COLGALT2: variants seen among roughly 807,000 people sequenced by gnomAD.
The protein encoded by COLGALT2 is collagen beta(1-O)galactosyltransferase 2.
In COLGALT2, 49 loss-of-function variants were observed where a neutral mutation model predicts 73.4. That is an observed-to-expected ratio of 0.67 (90% CI 0.53 to 0.85). The LOEUF is 0.85. Among genes scored for constraint, COLGALT2 ranks in the 40% least tolerant of loss-of-function variants. COLGALT2 has a pLI of 0.00. For synonymous variants in COLGALT2, 295 were observed against 307.6 expected (o/e 0.96, Z 0.43); for missense variants, 722 against 790.2 (o/e 0.91, Z 1.03).
intron 1 of COLGALT2, among the ~76,000 whole-genome samples, chr1:184,030,181 A>T (rs1649463457): frequency 6.6e-6 from 1 of 152,200 alleles, no homozygotes. Context: ...AAGGGATTCA[A>T]ATTTTTAAAA....
At chr1:183,932,379 G>A (rs766193420), downstream of COLGALT2, among the ~76,000 whole-genome samples, 1 of 152,088 alleles carries the variant, frequency 6.6e-6, no homozygotes, top group Non-Finnish European at 1.5e-5. Context: ...GGGAAAGTGC[G>A]GTTCACTTTG....
intron 10 of COLGALT2, 136 bp from the exon 11 acceptor site, chr1:183,940,923 T>C: frequency 1.3e-6 from 1 of 777,294 alleles, no homozygotes; most frequent in South Asian, 1.7e-5. Context: ...ATGTATCACA[T>C]CCAAAAGTGG....
chr1:183,965,007 A>C (rs1207828196), intron 5 of COLGALT2, among the ~76,000 whole-genome samples: 1 of 152,234 alleles, frequency 6.6e-6, no homozygotes, highest in Non-Finnish European at 1.5e-5. Flanking sequence ...AGTCAGCTAC[A>C]TCATCTGTCA....
chr1:183,930,332 A>C (rs566565312), intron 11 of COLGALT2: 53 of 455,980 alleles, frequency 1.2e-4, no homozygotes, highest in South Asian at 8.2e-4. Flanking sequence ...GAGATGCTGA[A>C]AGGAGAAAAT....
At chr1:183,991,167 G>C (rs561385332) in intron 1 of COLGALT2, among the ~76,000 whole-genome samples, 1 of 152,278 alleles carries the variant, frequency 6.6e-6, no homozygotes, top group African/African-American at 2.4e-5. Context: ...CCCAGATCAT[G>C]TGTCCAAAGT....
At chr1:183,999,965 GT>G (rs1671871106) in intron 1 of COLGALT2, among the ~76,000 whole-genome samples, 1 of 151,682 alleles carries the variant, frequency 6.6e-6, no homozygotes, top group Non-Finnish European at 1.5e-5. Flanking sequence ...GTCTCCTTGG[GT>G]TTATTCTGTT....
chr1:183,947,170 C>T (rs1670274800), intron 8 of COLGALT2, among the ~76,000 whole-genome samples: 1 of 152,142 alleles, frequency 6.6e-6, no homozygotes, highest in East Asian at 1.9e-4. Flanking sequence ...ACATCAATAT[C>T]CCACCTGCAA....
Position 183,969,256 on chromosome 1 carries a change from A to G in COLGALT2, c.832+13T>C. The G allele has an allele frequency of 6.2e-7, 1 of 1,603,688 alleles. No individual in the cohort carries two copies. Among genetic ancestry groups the G allele is most frequent in the African/African-American group, 1.3e-5 (1 of 74,690 alleles). On this transcript the variant is annotated intron_variant, in intron 5 of 11. Transcript: ENST00000361927. ...GTCTCCATTGTGGCACTACAACCAA[A>G]GACAAACAGTACCTGCTTGCCTGCT...
chr1:183,936,584 C>T lies in COLGALT2; in HGVS notation c.*2177G>A, dbSNP rs1176939437. The T allele has an allele frequency of 1.6e-5, 19 of 1,153,980 alleles. No individual in the cohort carries two copies. Among genetic ancestry groups the T allele is most frequent in the Non-Finnish European group, 1.9e-5 (18 of 939,552 alleles). The allele number at this position is 1,153,980 out of a possible 1,614,324, so 71.5% of individuals were successfully genotyped here. Reference sequence around the variant, plus strand: ...AAAATCAACCCAAACTTCCTTCAACCCCAGCACCCCAGCCACCTCCCACCC... The same window carrying T: ...AAAATCAACCCAAACTTCCTTCAACTCCAGCACCCCAGCCACCTCCCACCC... On this transcript the variant is annotated 3_prime_UTR_variant, in exon 12 of 12. Transcript: ENST00000361927.
chr1:184,007,722 A>G (rs1672122651), intron 1 of COLGALT2, among the ~76,000 whole-genome samples: 1 of 152,020 alleles, frequency 6.6e-6, no homozygotes, highest in African/African-American at 2.4e-5. Flanking sequence ...GAGCTCTGTG[A>G]AATTGGTTCA....
chr1:183,962,205 G>A (rs1463878228), intron 6 of COLGALT2, among the ~76,000 whole-genome samples: 4 of 126,484 alleles, frequency 3.2e-5, no homozygotes. Flanking sequence ...TGTCACTCAG[G>A]CTGGAGTGCA....
chr1:183,974,962 C>T, intron 3 of COLGALT2, 135 bp downstream of exon 3: 1 of 630,458 alleles, frequency 1.6e-6, no homozygotes, highest in East Asian at 2.6e-5. Context: ...TTCATTGTGC[C>T]TTTCTTAAAA....
Position 184,020,499 on chromosome 1 carries a change from C to T in COLGALT2, c.263+16596G>A, listed in dbSNP as rs182527875. 3.4e-3 allele frequency among the ~76,000 whole-genome samples: 519 copies of T among 152,246 alleles called. 1 individual carries two copies. The highest frequency in any genetic ancestry group is 0.012 in the African/African-American group (480 of 41,542). On this transcript the variant is annotated intron_variant, in intron 1 of 11. Coordinates refer to ENST00000361927, the MANE Select transcript of COLGALT2 (RefSeq NM_015101.4). ...CCATACAAACCTTCTTTGTTGTTTT[C>T]CCCTTTCTCCATTCCTCCCCTCCTC...
intron 10 of COLGALT2, among the ~76,000 whole-genome samples, chr1:183,941,503 A>C (rs1331930661): frequency 2.6e-5 from 4 of 152,160 alleles, no homozygotes; most frequent in Non-Finnish European, 5.9e-5. Flanking sequence ...TAGTCTACCC[A>C]TGGATCTGTG....
chr1:183,964,130 T>A, intron 5 of COLGALT2, 110 bp from the exon 6 acceptor site: 2 of 1,208,722 alleles, frequency 1.7e-6, no homozygotes, highest in Non-Finnish European at 1.1e-6. Flanking sequence ...ACACTGCAAT[T>A]AAATAAGTGG....
downstream of COLGALT2, among the ~76,000 whole-genome samples, chr1:183,935,296 C>T (rs138973401): frequency 6.6e-5 from 10 of 152,338 alleles, no homozygotes; most frequent in African/African-American, 2.4e-4. Flanking sequence ...CTGCGGGCCC[C>T]ACACAGCAGT....
At chr1:184,015,447 C>T (rs910710899) in intron 1 of COLGALT2, among the ~76,000 whole-genome samples, 2 of 152,146 alleles carry the variant, frequency 1.3e-5, no homozygotes, top group Non-Finnish European at 2.9e-5. Context: ...TGCTGGGCTT[C>T]CCAAGGGGAG....
intron 5 of COLGALT2, among the ~76,000 whole-genome samples, chr1:183,964,968 CTCT>C (rs1414768553): frequency 6.6e-6 from 1 of 152,212 alleles, no homozygotes; most frequent in Admixed American, 6.5e-5. Flanking sequence ...ATAGGGACTC[CTCT>C]ATTTTGTGCA....
At chr1:184,037,039 C>G in intron 1 of COLGALT2, 56 bp downstream of exon 1, 1 of 1,333,608 alleles carries the variant, frequency 7.5e-7, no homozygotes, top group Non-Finnish European at 9.6e-7. Flanking sequence ...GCTGTCCGCG[C>G]TGGGCAGGCC....
Sources: allele counts gnomAD v4.1 joint callset (sites outside exome capture counted in the v4.1 genomes callset), GRCh38; gene constraint gnomAD v4.1.1; transcripts MANE v1.5; gene names NCBI Gene and HGNC (gene_info 2026-07-23, HGNC 2026-07-21).